MCM4: variants seen among roughly 807,000 people sequenced by gnomAD.
MCM4 encodes minichromosome maintenance complex component 4.
A neutral mutation model predicts 88.7 loss-of-function variants in MCM4; 60 were observed. That is an observed-to-expected ratio of 0.68 (90% CI 0.55 to 0.84). MCM4 has a LOEUF of 0.84. Ranked by LOEUF, MCM4 falls within the 40% of genes least tolerant of loss-of-function variation. The pLI, the probability that MCM4 is intolerant of heterozygous loss-of-function variation, is 0.00. For synonymous variants in MCM4, 465 were observed against 410.5 expected, an observed-to-expected ratio of 1.13 and a Z score of -1.61; for missense variants, 1,149 against 1,105.5, an observed-to-expected ratio of 1.04 and a Z score of -0.56.
chr8:47,975,334 C>G (rs1310430618), intron 15 of MCM4: 1 of 135,752 alleles, frequency 7.4e-6, no homozygotes, highest in African/African-American at 3.2e-5. Flanking sequence ...CCCCCCTCCC[C>G]CCACCCCACA....
Position 47,966,375 on chromosome 8 carries a change from C to T in MCM4, c.1021C>T (p.His341Tyr). 1 of 1,612,972 alleles carries T rather than the reference C, an allele frequency of 6.2e-7. No individual in the cohort carries two copies. The highest frequency in any genetic ancestry group is 8.5e-7 in the Non-Finnish European group (1 of 1,179,272). ...CACCACCCACAGCATGGCACTCATC[C>T]ACAACCGCTCCCTCTTCTCTGACAA... ...CHTTHSMALI[H>Y]NRSLFSDKQM... Residue 341 changes from histidine (H) to tyrosine (Y), a missense_variant, in exon 9 of 17, where the codon CAC becomes TAC. Around this residue, in one of 3 missense-constraint regions of MCM4, gnomAD observed 906 missense variants for 843.0 expected, o/e 1.07. Transcript: ENST00000649973.
chr8:47,974,993 T>A (rs1181366797), intron 15 of MCM4, 31 bp downstream of exon 15: 1 of 1,540,860 alleles, frequency 6.5e-7, no homozygotes, highest in Non-Finnish European at 8.9e-7. Context: ...AGAAAAGCTT[T>A]TGAAAATTAT....
intron 7 of MCM4, among the ~76,000 whole-genome samples, 161 bp downstream of exon 7, chr8:47,963,201 C>A (rs910249000): frequency 2.6e-5 from 4 of 152,178 alleles, no homozygotes; most frequent in Non-Finnish European, 5.9e-5. Flanking sequence ...ACCTATAATC[C>A]CAGCACTTTA....
rs1300219463 is a variant in MCM4 at position 47,972,872 on chromosome 8, C to A, written c.1944C>A (p.Phe648Leu). 6.2e-7 allele frequency: 1 copy of A among 1,614,064 alleles called. No individual in the cohort carries two copies. The highest frequency in any genetic ancestry group is 8.5e-7 in the Non-Finnish European group (1 of 1,179,956). ...HTLLSRFDLI[F>L]LLLDPQDEAY... Reference sequence around the variant, plus strand: ...GTTTTCTTAGGTTTGATTTGATCTTCCTCTTGCTGGACCCTCAGGACGAAG... The same window carrying A: ...GTTTTCTTAGGTTTGATTTGATCTTACTCTTGCTGGACCCTCAGGACGAAG... Residue 648 changes from phenylalanine (F) to leucine (L), a missense_variant, in exon 14 of 17, where the codon TTC becomes TTA. Physicochemically the swap from Phe to Leu is conservative, Grantham distance 22. Coordinates refer to ENST00000649973, the MANE Select transcript of MCM4 (RefSeq NM_182746.3).
In MCM4 at chr8:47,973,057, T is replaced by A; in HGVS notation, c.2129T>A (p.Leu710His). 1.9e-5 allele frequency: 31 copies of A among 1,613,158 alleles called. 1 individual carries two copies. Among genetic ancestry groups the A allele is most frequent in the Non-Finnish European group, 2.6e-5 (31 of 1,179,880 alleles). The change falls in exon 14 of 17, where the codon CTC becomes CAC. Residue 710 changes from leucine (L) to histidine (H), a missense_variant. This residue lies in a region of MCM4 where 238 missense variants were observed against 241.6 expected (regional missense o/e 0.99). Transcript: ENST00000649973. Reference sequence around the variant, plus strand: ...CTAAGTGAGGAAGCCAGCCAGGCTCTCATCGAGGTAACCCTGCTGAAAAAA... The same window carrying A: ...CTAAGTGAGGAAGCCAGCCAGGCTCACATCGAGGTAACCCTGCTGAAAAAA... The part of the protein sequence containing the change: ...PRLSEEASQA[L>H]IEAYVDMRKI...
chr8:47,970,497 C>G lies in MCM4; in HGVS notation c.1435-14C>G, dbSNP rs1469001949. The G allele has an allele frequency of 6.3e-7, 1 of 1,584,508 alleles. No homozygotes were observed. Among genetic ancestry groups the G allele is most frequent in the African/African-American group, 1.3e-5 (1 of 74,420 alleles). ...GCAGAAAATGAATGTTTAGACATGT[C>G]TCTGATTATTTAGGGAATTTTGCTT... On this transcript the variant is annotated splice_polypyrimidine_tract_variant and intron_variant, in intron 11 of 16. Transcript: ENST00000649973.
intron 10 of MCM4, among the ~76,000 whole-genome samples, chr8:47,968,098 A>G (rs17287635): frequency 0.023 from 3,492 of 152,190 alleles, 105 homozygotes; most frequent in East Asian, 0.083. Context: ...ACAGCACCAT[A>G]TGAGTGTGGC....
In MCM4 at chr8:47,962,157, C is replaced by CA. The variant is rs2090848943; in HGVS notation, c.341dup (p.Arg115GlufsTer3). On this transcript the variant is annotated frameshift_variant, in exon 4 of 17. Transcript: ENST00000649973. LOFTEE classifies it high-confidence loss of function. ...TGGTGTTAGGGGCACACCTGTGAGA[C>CA]AGAGGCCTGACCTGGGCTCTGCACA... 6.2e-7 allele frequency: 1 copy of CA among 1,614,108 alleles called. No individual in the cohort carries two copies. The highest frequency in any genetic ancestry group is 1.3e-5 in the African/African-American group (1 of 74,930).
At chr8:47,973,110 TTAATG>T in intron 14 of MCM4, 46 bp downstream of exon 14, 1 of 1,453,898 alleles carries the variant, frequency 6.9e-7, no homozygotes, top group South Asian at 1.2e-5. Flanking sequence ...GCCCACAGCA[TTAATG>T]TAACTGACCA....
intron 13 of MCM4, 104 bp downstream of exon 13, chr8:47,971,572 T>C (rs2090954082): frequency 8.3e-6 from 10 of 1,204,000 alleles, no homozygotes; most frequent in Non-Finnish European, 1.2e-5. Flanking sequence ...CTCTTCACTC[T>C]TATCAAGATG....
chr8:47,966,342 C>T lies in MCM4; in HGVS notation c.988C>T (p.Arg330Cys), dbSNP rs144766420. ...CATTGCAGAGCCCAGTGTGTGCGGG[C>T]GCTGCCACACCACCCACAGCATGGC... ...GRIAEPSVCG[R>C]CHTTHSMALI... The change falls in exon 9 of 17, where the codon CGC (arginine) becomes TGC (cysteine). Residue 330 changes from arginine to cysteine, a missense_variant. Arg to Cys is a radical substitution (Grantham distance 180, BLOSUM62 -3). Around this residue, in one of 3 missense-constraint regions of MCM4, gnomAD observed 906 missense variants for 843.0 expected, o/e 1.07. Transcript: ENST00000649973. The T allele has an allele frequency of 2.5e-5, 40 of 1,613,906 alleles. 1 individual carries two copies. The African/African-American group carries it at 3.9e-4, about 16-fold the overall frequency.
At position 47,970,305 on chromosome 8, in the gene MCM4, C is replaced by T. The variant is rs542259300; in HGVS notation, c.1435-206C>T. Among the ~76,000 whole-genome samples, 4 of 152,298 alleles carry T rather than the reference C, an allele frequency of 2.6e-5. No homozygotes were observed. The East Asian group carries it at 7.7e-4, about 29-fold the overall frequency. ...AGTGTCAGAATAGGGACTTGCATGG[C>T]CACCATTCTGGTGTAATGATAGGTG... On this transcript the variant is annotated intron_variant, in intron 11 of 16. Coordinates refer to ENST00000649973, the MANE Select transcript of MCM4 (RefSeq NM_182746.3).
intron 14 of MCM4, chr8:47,974,528 A>G: frequency 1.8e-6 from 1 of 543,660 alleles, no homozygotes; most frequent in Non-Finnish European, 3.3e-6. Flanking sequence ...ATGTTCACCC[A>G]CCACTGCACG....
At chr8:47,966,594 G>A (rs138831035) in intron 9 of MCM4, among the ~76,000 whole-genome samples, 187 bp downstream of exon 9, 4 of 152,232 alleles carry the variant, frequency 2.6e-5, no homozygotes, top group African/African-American at 9.6e-5. Flanking sequence ...CTGCTTCAGG[G>A]CACTGTCCCT....
rs745883715 is a variant in MCM4, at chr8:47,974,845, T to G, written c.2248T>G (p.Ser750Ala). Residue 750 changes from serine (S) to alanine (A), a missense_variant, in exon 15 of 17, where the codon TCT (serine) becomes GCT (alanine). Around this residue, in one of 3 missense-constraint regions of MCM4, gnomAD observed 238 missense variants for 241.6 expected, o/e 0.99. Coordinates refer to ENST00000649973, the MANE Select transcript of MCM4 (RefSeq NM_182746.3). Reference protein sequence around the residue: ...LAEAHAKVRLSNKVEAIDVEE... With the variant: ...LAEAHAKVRLANKVEAIDVEE... ...AGAAGCCCATGCTAAAGTAAGATTG[T>G]CTAACAAAGTTGAAGCCATTGATGT... 14 of 1,614,106 alleles carry G rather than the reference T, an allele frequency of 8.7e-6. No homozygotes were observed. In the South Asian group the frequency reaches 1.5e-4, roughly 18 times the overall value.
At chr8:47,969,760 T>G (rs112623392) in intron 10 of MCM4, 38 bp from the exon 11 acceptor site, 4 of 1,610,078 alleles carry the variant, frequency 2.5e-6, no homozygotes, top group Non-Finnish European at 3.4e-6. Context: ...GAGGAAGATA[T>G]GGGAAGGTAA....
In MCM4 at chr8:47,961,168, G is replaced by T; in HGVS notation, c.24G>T (p.Pro8=). Residue 8 remains proline (P), a synonymous_variant, in exon 2 of 17, where the codon CCG becomes CCT. Transcript: ENST00000649973. MSSPAST[P]SRRGSRRGRA... ...CTATGTCGTCCCCGGCGTCGACCCC[G>T]AGCCGCCGCGGCAGCCGGCGTGGAA... The T allele has an allele frequency of 6.4e-7, 1 of 1,551,480 alleles. No homozygotes were observed. The highest frequency in any genetic ancestry group is 8.6e-7 in the Non-Finnish European group (1 of 1,159,094).
intron 2 of MCM4, 149 bp from the exon 3 acceptor site, chr8:47,961,367 C>T: frequency 1.3e-6 from 2 of 1,504,450 alleles, no homozygotes; most frequent in East Asian, 2.4e-5. Flanking sequence ...CCACAGCAGG[C>T]TGTGGCCTGG....
At chr8:47,973,387 G>A (rs151161621) in intron 14 of MCM4, among the ~76,000 whole-genome samples, 4 of 152,184 alleles carry the variant, frequency 2.6e-5, no homozygotes, top group Non-Finnish European at 5.9e-5. Context: ...TGTTGGCCAG[G>A]CTGGTCTTGA....
Sources: gnomAD v4.1 joint callset for allele counts (sites outside exome capture counted in the v4.1 genomes callset) on GRCh38, gnomAD v4.1.1 for gene constraint, gnomAD v4.1.1 regional missense constraint, MANE v1.5 for transcripts, NCBI Gene and HGNC (gene_info 2026-07-23, HGNC 2026-07-21) for gene names.